Variants in SMOC2 observed in about 807,000 individuals in gnomAD.
The protein encoded by SMOC2 is SPARC-related modular calcium-binding protein 2.
Under a neutral mutation model 61.4 loss-of-function variants are expected in SMOC2, and 39 were observed. That is an observed-to-expected ratio of 0.64 (90% CI 0.49 to 0.83). The LOEUF (loss-of-function observed/expected upper bound fraction) is 0.83. SMOC2 is among the 40% of genes least tolerant of loss of function. SMOC2 has a pLI of 0.00. For missense variants in SMOC2, 556 were observed against 592.9 expected, an observed-to-expected ratio of 0.94 and a Z score of 0.65; for synonymous variants, 247 against 239.9, an observed-to-expected ratio of 1.03 and a Z score of -0.27.
chr6:168,502,821 C>T (rs1270412589), intron 1 of SMOC2, among the ~76,000 whole-genome samples: 1 of 151,944 alleles, frequency 6.6e-6, no homozygotes, highest in African/African-American at 2.4e-5. Context: ...GGCTGGAGTG[C>T]AGTGGCACAA....
chr6:168,650,618 A>G, intron 9 of SMOC2, 63 bp from the exon 10 acceptor site: 6 of 1,491,828 alleles, frequency 4.0e-6, no homozygotes, highest in Non-Finnish European at 5.5e-6. Flanking sequence ...ATTTCCCTGT[A>G]TTTTAGAGGA....
intron 7 of SMOC2, among the ~76,000 whole-genome samples, chr6:168,564,165 G>GTTTCTTAAA (rs1784489581): frequency 6.6e-6 from 1 of 152,110 alleles, no homozygotes; most frequent in Non-Finnish European, 1.5e-5. Flanking sequence ...GTTTCTTGAA[G>GTTTCTTAAA]GCATTTGAGT....
intron 12 of SMOC2, 146 bp from the exon 13 acceptor site, chr6:168,666,275 A>ATTG (rs1273164275): frequency 6.9e-6 from 5 of 719,812 alleles, no homozygotes; most frequent in Non-Finnish European, 2.2e-6. Context: ...AAATGTCTTC[A>ATTG]TTGTTTCTTA....
intron 9 of SMOC2, among the ~76,000 whole-genome samples, chr6:168,611,354 C>T (rs376147155): frequency 1.6e-5 from 1 of 63,770 alleles, no homozygotes; most frequent in Non-Finnish European, 3.1e-5. Flanking sequence ...CCGTGGCTCC[C>T]GTGTCGGGCC....
In SMOC2 at chr6:168,560,511, TC is replaced by T. The variant is rs1349691183; in HGVS notation, c.637+11309del. 1.5e-3 allele frequency among the ~76,000 whole-genome samples: 215 copies of T among 146,750 alleles called. 12 individuals carry two copies. The highest frequency in any genetic ancestry group is 0.01 in the Middle Eastern group (3 of 290). On this transcript the variant is annotated intron_variant, in intron 7 of 12. Coordinates refer to ENST00000356284, the MANE Select transcript of SMOC2 (RefSeq NM_001166412.2). ...CCTTTCTGGCCCTGAGATGTGAGGC[TC>T]TCACTGCGTTCTTGGAGGAGGTGTC...
intron 2 of SMOC2, among the ~76,000 whole-genome samples, chr6:168,521,909 A>G (rs1358293834): frequency 3.9e-5 from 6 of 152,168 alleles, no homozygotes. Flanking sequence ...ATGCCTTGCT[A>G]AGCAATGATG....
chr6:168,612,742 C>T lies in SMOC2; in HGVS notation c.907+4503C>T, dbSNP rs143938890. 6.0e-3 allele frequency among the ~76,000 whole-genome samples: 909 copies of T among 152,310 alleles called. 12 individuals are homozygous for T. Among genetic ancestry groups the T allele is most frequent in the African/African-American group, 0.02 (828 of 41,552 alleles). On this transcript the variant is annotated intron_variant, in intron 9 of 12. Coordinates refer to ENST00000356284, the MANE Select transcript of SMOC2 (RefSeq NM_001166412.2). ...TTTGTGATTCAGGCTCGTAGGCCCT[C>T]GGCGCGGCAATGCAAGAGGCCATCG...
chr6:168,470,715 T>A (rs1167358196), intron 1 of SMOC2, among the ~76,000 whole-genome samples: 1 of 152,000 alleles, frequency 6.6e-6, no homozygotes, highest in East Asian at 1.9e-4. Flanking sequence ...TAAATTAAAT[T>A]AAATAAACTG....
At chr6:168,505,415 G>A (rs140769857) in intron 1 of SMOC2, among the ~76,000 whole-genome samples, 69 of 151,566 alleles carry the variant, frequency 4.6e-4, no homozygotes, top group African/African-American at 1.6e-3. Context: ...TGAATGAAAT[G>A]TCCATCTCTC....
intron 1 of SMOC2, among the ~76,000 whole-genome samples, chr6:168,449,898 C>T (rs912959301): frequency 2.0e-5 from 3 of 152,342 alleles, no homozygotes; most frequent in Non-Finnish European, 4.4e-5. Context: ...GAAATGGCCG[C>T]ATCAAAGAAG....
intron 4 of SMOC2, among the ~76,000 whole-genome samples, chr6:168,532,267 G>A (rs1783623254): frequency 6.6e-6 from 1 of 152,158 alleles, no homozygotes; most frequent in Non-Finnish European, 1.5e-5. Context: ...CGGTGTTCAA[G>A]GAAGGCACAG....
intron 1 of SMOC2, among the ~76,000 whole-genome samples, chr6:168,508,493 A>G (rs957023951): frequency 6.6e-6 from 1 of 152,210 alleles, no homozygotes; most frequent in African/African-American, 2.4e-5. Flanking sequence ...ATCCGCAGCC[A>G]CAGAGGGGTA....
chr6:168,607,869 T>TCCAACCCTGCAACGGGAGGA (rs1440562829), intron 8 of SMOC2, among the ~76,000 whole-genome samples: 34 of 56,662 alleles, frequency 6.0e-4, no homozygotes, highest in African/African-American at 6.9e-4. Context: ...TGTGGGTGCT[T>TCCAACCCTGCAACGGGAGGA]GGCAGCTGCT....
rs572178287 is a variant in SMOC2, at chr6:168,549,274, T to C, written c.637+71T>C. 1.2e-5 allele frequency: 17 copies of C among 1,419,272 alleles called. No homozygotes were observed. In the Admixed American group the frequency reaches 2.7e-4, roughly 23 times the overall value. The allele number at this position is 1,419,272 out of a possible 1,614,324, so 87.9% of individuals were successfully genotyped here. On this transcript the variant is annotated intron_variant, in intron 7 of 12. Coordinates refer to ENST00000356284, the MANE Select transcript of SMOC2 (RefSeq NM_001166412.2). Reference sequence around the variant, plus strand: ...TCTAGAAAATGATGGGGTTTTTTTTTGGAGTTAAGTGTATTGTACAGTTGA... The same window carrying C: ...TCTAGAAAATGATGGGGTTTTTTTTCGGAGTTAAGTGTATTGTACAGTTGA...
At chr6:168,562,913 C>G (rs6455529) in intron 7 of SMOC2, among the ~76,000 whole-genome samples, 1 of 151,964 alleles carries the variant, frequency 6.6e-6, no homozygotes, top group Non-Finnish European at 1.5e-5. Flanking sequence ...AATCTTTCTC[C>G]TAAAAGCTCC....
At chr6:168,649,327 T>G (rs1787132660) in intron 9 of SMOC2, among the ~76,000 whole-genome samples, 1 of 152,096 alleles carries the variant, frequency 6.6e-6, no homozygotes, top group Admixed American at 6.5e-5. Flanking sequence ...GTGAGGACGG[T>G]CCGAGCAGAT....
chr6:168,575,387 A>T (rs1336691925), intron 7 of SMOC2, among the ~76,000 whole-genome samples: 20 of 152,124 alleles, frequency 1.3e-4, no homozygotes, highest in Admixed American at 1.3e-3. Flanking sequence ...TAGCATATCT[A>T]GTAAAATATT....
chr6:168,623,289 C>G (rs1341574310), intron 9 of SMOC2, among the ~76,000 whole-genome samples: 1 of 151,210 alleles, frequency 6.6e-6, no homozygotes, highest in Middle Eastern at 3.2e-3. Flanking sequence ...GGCATTTGGA[C>G]CATGTCCTGC....
At chr6:168,601,649 T>C (rs183115425) in intron 8 of SMOC2, among the ~76,000 whole-genome samples, 1 of 152,294 alleles carries the variant, frequency 6.6e-6, no homozygotes, top group East Asian at 1.9e-4. Context: ...GTGAGGCCCC[T>C]GTAGCAGAGG....
Sources: allele counts gnomAD v4.1 joint callset (sites outside exome capture counted in the v4.1 genomes callset), GRCh38; gene constraint gnomAD v4.1.1; transcripts MANE v1.5; gene names NCBI Gene and HGNC (gene_info 2026-07-23, HGNC 2026-07-21).